Variants in XKR4 observed in about 807,000 individuals in gnomAD.
XKR4 encodes the protein XK related 4.
A neutral mutation model predicts 53.9 loss-of-function variants in XKR4; 12 were observed. The observed-to-expected ratio is 0.22, with a 90% CI of 0.14 to 0.36. XKR4 has a LOEUF of 0.36. XKR4 is among the 10% of genes least tolerant of loss of function. XKR4 has a pLI of 1.00. For missense variants in XKR4, 799 were observed against 859.5 expected (o/e 0.93, Z 0.88); for synonymous variants, 354 against 362.4 (o/e 0.98, Z 0.26).
intron 1 of XKR4, among the ~76,000 whole-genome samples, chr8:55,217,241 C>CAAA (rs35294638): frequency 0.32 from 33,806 of 105,504 alleles, 6,387 homozygotes; most frequent in Non-Finnish European, 0.42. Context: ...GACTCTGTCT[C>CAAA]AAAAAAAAAA....
At chr8:55,294,594 G>A (rs1819076108) in intron 1 of XKR4, among the ~76,000 whole-genome samples, 1 of 152,186 alleles carries the variant, frequency 6.6e-6, no homozygotes, top group South Asian at 2.1e-4. Flanking sequence ...CATCAAGAGG[G>A]GCAATTAACT....
At chr8:55,283,904 C>T (rs1457766158) in intron 1 of XKR4, among the ~76,000 whole-genome samples, 1 of 152,106 alleles carries the variant, frequency 6.6e-6, no homozygotes, top group Non-Finnish European at 1.5e-5. Context: ...AAGCAATTGC[C>T]CTTTGGTAAG....
rs533831200 is a variant in XKR4, at chr8:55,206,630, A to G, written c.806+103336A>G. Reference sequence around the variant, plus strand: ...ATAAAGAAAACCCCAACTTCTCAAAAAGAGAAACTATCAGATAAATCACAA... The same window carrying G: ...ATAAAGAAAACCCCAACTTCTCAAAGAGAGAAACTATCAGATAAATCACAA... On this transcript the variant is annotated intron_variant, in intron 1 of 2. Transcript: ENST00000327381. 3.0e-4 allele frequency among the ~76,000 whole-genome samples: 45 copies of G among 152,244 alleles called. 1 individual carries two copies. Among genetic ancestry groups the G allele is most frequent in the Admixed American group, 6.5e-4 (10 of 15,286 alleles).
intron 2 of XKR4, chr8:55,452,454 C>T (rs911361507): frequency 1.6e-6 from 1 of 628,660 alleles, no homozygotes; most frequent in Non-Finnish European, 2.9e-6. Flanking sequence ...CGCCCTCGCA[C>T]CCTCCTCACG....
At position 55,540,343 on chromosome 8, in the gene XKR4, T is replaced by C. The variant is rs1807084382; in HGVS notation, c.*16116T>C. The C allele has an allele frequency of 6.6e-6, 1 of 152,224 alleles. No homozygotes were observed. The highest frequency in any genetic ancestry group is 1.5e-5 in the Non-Finnish European group (1 of 68,032). 9.4% of individuals were successfully genotyped at this position (152,224 alleles called of 1,614,324 possible). On this transcript the variant is annotated 3_prime_UTR_variant, in exon 3 of 3. Coordinates refer to ENST00000327381, the MANE Select transcript of XKR4 (RefSeq NM_052898.2). ...ATCAAAAGGAGTGTCTCCCAATTAG[T>C]TTACGTGTGTTAGTATTGCTGACAT...
At chr8:55,442,967 G>A (rs185525714) in intron 2 of XKR4, among the ~76,000 whole-genome samples, 7 of 152,234 alleles carry the variant, frequency 4.6e-5, no homozygotes, top group Admixed American at 4.6e-4. Context: ...ATTAAAAAGG[G>A]CAATGGAAAG....
chr8:55,193,384 C>T (rs1817467957), intron 1 of XKR4, among the ~76,000 whole-genome samples: 1 of 152,128 alleles, frequency 6.6e-6, no homozygotes, highest in African/African-American at 2.4e-5. Flanking sequence ...ATGCATCTTT[C>T]CTTCACTGCT....
At chr8:55,391,460 T>C (rs1455030296) in intron 2 of XKR4, among the ~76,000 whole-genome samples, 2 of 152,214 alleles carry the variant, frequency 1.3e-5, no homozygotes, top group Admixed American at 6.5e-5. Context: ...GAAATCTGTG[T>C]TCCAATTGGA....
chr8:55,140,608 T>C (rs1014730170), intron 1 of XKR4, among the ~76,000 whole-genome samples: 2 of 152,228 alleles, frequency 1.3e-5, no homozygotes, highest in Non-Finnish European at 2.9e-5. Context: ...TCTGAGTTTG[T>C]TGTTGTTCAT....
At chr8:55,273,885 G>C (rs751074871) in intron 1 of XKR4, among the ~76,000 whole-genome samples, 3 of 152,164 alleles carry the variant, frequency 2.0e-5, no homozygotes, top group Non-Finnish European at 4.4e-5. Flanking sequence ...AATCGGTTCT[G>C]TCTAGGCAGC....
intron 1 of XKR4, among the ~76,000 whole-genome samples, chr8:55,254,921 C>T (rs1818416868): frequency 6.6e-6 from 1 of 152,236 alleles, no homozygotes. Context: ...ATTCTGAAAT[C>T]ATGATACACT....
chr8:55,277,380 T>A (rs1372701059), intron 1 of XKR4, among the ~76,000 whole-genome samples: 2 of 152,182 alleles, frequency 1.3e-5, no homozygotes, highest in Non-Finnish European at 2.9e-5. Flanking sequence ...AAGTTGAGTA[T>A]CTCTTATCTA....
chr8:55,460,360 C>T (rs1047988129), intron 2 of XKR4, among the ~76,000 whole-genome samples: 3 of 152,168 alleles, frequency 2.0e-5, no homozygotes, highest in Admixed American at 2.0e-4. Flanking sequence ...GGTTGTGCCA[C>T]TGAATAAATT....
chr8:55,176,699 C>A (rs1248117474), intron 1 of XKR4, among the ~76,000 whole-genome samples: 4 of 152,086 alleles, frequency 2.6e-5, no homozygotes, highest in Admixed American at 2.6e-4. Flanking sequence ...GTTCAGATTC[C>A]TCATGGTACA....
chr8:55,373,353 G>A (rs1364189389), intron 2 of XKR4, among the ~76,000 whole-genome samples: 1 of 152,162 alleles, frequency 6.6e-6, no homozygotes, highest in East Asian at 1.9e-4. Context: ...TTTTAGTAGA[G>A]ATGGGGTTTC....
intron 1 of XKR4, among the ~76,000 whole-genome samples, chr8:55,299,491 T>A (rs989320188): frequency 2.0e-4 from 30 of 152,188 alleles, no homozygotes; most frequent in African/African-American, 7.2e-4. Context: ...GGAATTTCAG[T>A]CAAGGACATA....
intron 2 of XKR4, among the ~76,000 whole-genome samples, chr8:55,449,176 A>AT (rs993654473): frequency 2.6e-5 from 4 of 151,680 alleles, no homozygotes; most frequent in Middle Eastern, 3.4e-3. Context: ...TTATTTATTT[A>AT]TTTATTTTAT....
intron 1 of XKR4, among the ~76,000 whole-genome samples, chr8:55,219,887 G>A (rs540530653): frequency 1.9e-4 from 29 of 152,006 alleles, no homozygotes; most frequent in Non-Finnish European, 3.7e-4. Flanking sequence ...CTATGCATTT[G>A]TTTCACATAT....
chr8:55,401,912 G>A (rs1431974506), intron 2 of XKR4, among the ~76,000 whole-genome samples: 1 of 152,172 alleles, frequency 6.6e-6, no homozygotes, highest in Non-Finnish European at 1.5e-5. Flanking sequence ...GAAATTAGCA[G>A]TAATAAATTA....
Sources: gnomAD v4.1 joint callset for allele counts (sites outside exome capture counted in the v4.1 genomes callset) on GRCh38, gnomAD v4.1.1 for gene constraint, MANE v1.5 for transcripts, NCBI Gene and HGNC (gene_info 2026-07-23, HGNC 2026-07-21) for gene names.